Variants in NOX4 observed in about 807,000 individuals in gnomAD.
NOX4 encodes kidney oxidase-1.
Under a neutral mutation model 87.6 loss-of-function variants are expected in NOX4, and 69 were observed. The ratio of observed to expected loss-of-function variants is 0.79; its 90% CI spans 0.65 to 0.96. The LOEUF (loss-of-function observed/expected upper bound fraction) is 0.96, where lower values mean the gene tolerates loss of function less well. Among genes scored for constraint, NOX4 ranks in the 40% least tolerant of loss-of-function variants. The pLI is 0.00. For missense variants in NOX4, 680 were observed against 681.5 expected (o/e 1.00, Z 0.02); for synonymous variants, 275 against 238.2 (o/e 1.15, Z -1.42).
chr11:89,363,272 GTT>G (rs1247090236), intron 12 of NOX4, among the ~76,000 whole-genome samples: 1 of 151,976 alleles, frequency 6.6e-6, no homozygotes, highest in Non-Finnish European at 1.5e-5. Context: ...TTTTTGCTCT[GTT>G]ACATATATAT....
the NOX4 span, among the ~76,000 whole-genome samples, chr11:89,538,282 T>G: frequency 7.2e-5 from 11 of 152,216 alleles, no homozygotes; most frequent in Admixed American, 2.6e-4. Flanking sequence ...AAAACTTTCA[T>G]CTATAAGCAG....
chr11:89,385,512 T>C (rs555108238), intron 11 of NOX4, among the ~76,000 whole-genome samples: 57 of 152,308 alleles, frequency 3.7e-4, no homozygotes, highest in African/African-American at 1.3e-3. Flanking sequence ...AGGATCTCCT[T>C]CCAGCCTCAT....
chr11:89,422,534 T>A (rs1468111744), intron 7 of NOX4, among the ~76,000 whole-genome samples: 1 of 152,142 alleles, frequency 6.6e-6, no homozygotes, highest in Non-Finnish European at 1.5e-5. Flanking sequence ...ATGATAAGCA[T>A]AATCTACAGA....
the NOX4 span, among the ~76,000 whole-genome samples, chr11:89,539,824 C>A: frequency 6.6e-6 from 1 of 152,166 alleles, no homozygotes; most frequent in East Asian, 1.9e-4. Context: ...ACAAGGGGAG[C>A]AGTCATGTAC....
At chr11:89,467,208 G>A (rs1945733003) in intron 2 of NOX4, among the ~76,000 whole-genome samples, 1 of 151,708 alleles carries the variant, frequency 6.6e-6, no homozygotes, top group African/African-American at 2.4e-5. Flanking sequence ...AAAATTAGCT[G>A]GGCCTAGTGG....
chr11:89,565,424 C>A, the NOX4 span, among the ~76,000 whole-genome samples: 4 of 152,200 alleles, frequency 2.6e-5, no homozygotes, highest in South Asian at 8.3e-4. Flanking sequence ...GATACATAAT[C>A]ATGTATTTTG....
At chr11:89,572,773 T>C in the NOX4 span, among the ~76,000 whole-genome samples, 1 of 152,162 alleles carries the variant, frequency 6.6e-6, no homozygotes, top group African/African-American at 2.4e-5. Flanking sequence ...TCTTTTTACA[T>C]ATATCTCTTA....
chr11:89,483,715 A>C (rs1006263341), intron 2 of NOX4, among the ~76,000 whole-genome samples: 1 of 152,118 alleles, frequency 6.6e-6, no homozygotes, highest in Admixed American at 6.6e-5. Flanking sequence ...AGTTTATAAC[A>C]ATTTATTCTT....
At chr11:89,515,499 A>T in the NOX4 span, among the ~76,000 whole-genome samples, 4 of 150,864 alleles carry the variant, frequency 2.7e-5, no homozygotes, top group Non-Finnish European at 5.9e-5. Context: ...TGCATAACAA[A>T]TTTTTTTCAC....
At chr11:89,356,946 G>T (rs1938111118) in intron 12 of NOX4, among the ~76,000 whole-genome samples, 3 of 152,088 alleles carry the variant, frequency 2.0e-5, no homozygotes, top group Admixed American at 2.0e-4. Context: ...TCTTGATACG[G>T]TCGCACAGTC....
chr11:89,367,773 A>G (rs1230929706), intron 12 of NOX4, among the ~76,000 whole-genome samples: 1 of 152,042 alleles, frequency 6.6e-6, no homozygotes, highest in Non-Finnish European at 1.5e-5. Flanking sequence ...CTTTTGGGAA[A>G]CGACCAAGTT....
At chr11:89,530,635 A>C in the NOX4 span, among the ~76,000 whole-genome samples, 3 of 150,878 alleles carry the variant, frequency 2.0e-5, no homozygotes, top group African/African-American at 7.3e-5. Context: ...CAAAGTGTTG[A>C]GATTACAGGT....
chr11:89,371,800 C>T lies in NOX4; in HGVS notation c.1135+1632G>A, dbSNP rs142541333. On this transcript the variant is annotated intron_variant, in intron 12 of 17. Transcript: ENST00000263317. ...GACCATGATCTCTTTTGAATGCTAC[C>T]ATCTGAAAATTATCCATGTAAGCCT... Among the ~76,000 whole-genome samples, 295 of 151,890 alleles carry T rather than the reference C, an allele frequency of 1.9e-3. 1 individual carries two copies. Among genetic ancestry groups the T allele is most frequent in the African/African-American group, 6.6e-3 (276 of 41,508 alleles).
the NOX4 span, among the ~76,000 whole-genome samples, chr11:89,506,975 G>T: frequency 1.3e-5 from 2 of 151,986 alleles, no homozygotes; most frequent in African/African-American, 4.8e-5. Context: ...TAAAAGGAAT[G>T]AACTCTCGAT....
chr11:89,475,028 T>A (rs1245917135), intron 2 of NOX4, among the ~76,000 whole-genome samples: 1 of 143,098 alleles, frequency 7.0e-6, no homozygotes, highest in Non-Finnish European at 1.6e-5. Context: ...GTGTTTAAGT[T>A]TTGTGTTTTA....
At chr11:89,352,617 A>G (rs967285372) in intron 13 of NOX4, among the ~76,000 whole-genome samples, 1 of 152,170 alleles carries the variant, frequency 6.6e-6, no homozygotes. Flanking sequence ...TTGAGCCCTC[A>G]TGGATAACTT....
chr11:89,540,266 G>T, the NOX4 span, among the ~76,000 whole-genome samples: 1 of 152,064 alleles, frequency 6.6e-6, no homozygotes, highest in South Asian at 2.1e-4. Flanking sequence ...TTAGGCTATG[G>T]TTTTGTTCCC....
At chr11:89,470,998 A>T (rs1945912583) in intron 2 of NOX4, among the ~76,000 whole-genome samples, 1 of 152,116 alleles carries the variant, frequency 6.6e-6, no homozygotes, top group Admixed American at 6.6e-5. Context: ...TTAATCTTTC[A>T]GTCACAAAGA....
chr11:89,553,890 T>G, the NOX4 span, among the ~76,000 whole-genome samples: 2 of 151,816 alleles, frequency 1.3e-5, no homozygotes, highest in African/African-American at 4.8e-5. Flanking sequence ...TTTTTTTTTT[T>G]TTTAATGACA....
Sources: gnomAD v4.1 joint callset for allele counts (sites outside exome capture counted in the v4.1 genomes callset) on GRCh38, gnomAD v4.1.1 for gene constraint, MANE v1.5 for transcripts, NCBI Gene and HGNC (gene_info 2026-07-23, HGNC 2026-07-21) for gene names.